The following NAALADL2 variants were observed in gnomAD, a reference collection of about 807,000 sequenced individuals.
The protein encoded by NAALADL2 is inactive N-acetylated-alpha-linked acidic dipeptidase-like protein 2.
In NAALADL2, 76 loss-of-function variants were observed where a neutral mutation model predicts 87.2. The ratio of observed to expected loss-of-function variants is 0.87; its 90% CI spans 0.72 to 1.05. NAALADL2 has a LOEUF of 1.05. NAALADL2 is among the 50% of genes least tolerant of loss of function. NAALADL2 has a pLI of 0.00. For missense variants in NAALADL2, 1,089 were observed against 945.8 expected (o/e 1.15, Z -1.99); for synonymous variants, 354 against 331.0 (o/e 1.07, Z -0.75).
chr3:174,530,072 G>A (rs776345713), intron 1 of NAALADL2, among the ~76,000 whole-genome samples: 1 of 152,108 alleles, frequency 6.6e-6, no homozygotes, highest in African/African-American at 2.4e-5. Flanking sequence ...GGCTGCAAAT[G>A]TTCCATACTT....
intron 1 of NAALADL2, among the ~76,000 whole-genome samples, chr3:175,052,053 C>T (rs1755466425): frequency 6.6e-6 from 1 of 152,150 alleles, no homozygotes; most frequent in Non-Finnish European, 1.5e-5. Flanking sequence ...TTACCTATGT[C>T]TTTATTAACA....
intron 1 of NAALADL2, among the ~76,000 whole-genome samples, chr3:174,476,897 G>A (rs1717249164): frequency 6.6e-6 from 1 of 151,950 alleles, no homozygotes; most frequent in Admixed American, 6.6e-5. Context: ...GAGGACTTAT[G>A]GAGAAAACTC....
Position 175,605,446 on chromosome 3 carries a change from A to G in NAALADL2, c.1801-21845A>G, listed in dbSNP as rs190760006. ...CTCTTATGGGGAAATAAAATTATGT[A>G]TTTATGTATAATGCAGACTGAAGAC... is the stretch of plus-strand genomic sequence containing the variant. On this transcript the variant is annotated intron_variant, in intron 10 of 13. Coordinates refer to ENST00000454872, the MANE Select transcript of NAALADL2 (RefSeq NM_207015.3). Among the ~76,000 whole-genome samples, 14 of 152,244 alleles carry G rather than the reference A, an allele frequency of 9.2e-5. No homozygotes were observed. The South Asian group carries it at 1.0e-3, about 11-fold the overall frequency.
intron 11 of NAALADL2, among the ~76,000 whole-genome samples, chr3:175,724,552 A>G (rs1742681077): frequency 6.6e-6 from 1 of 152,138 alleles, no homozygotes; most frequent in African/African-American, 2.4e-5. Context: ...ATCTGCAATA[A>G]CATGTATTGC....
intron 1 of NAALADL2, among the ~76,000 whole-genome samples, chr3:175,038,342 G>T (rs1398563309): frequency 1.3e-5 from 2 of 152,034 alleles, no homozygotes; most frequent in Admixed American, 6.6e-5. Flanking sequence ...AGAAAAAAAT[G>T]AATTTACTGA....
chr3:175,020,191 T>C (rs774548810), intron 1 of NAALADL2, among the ~76,000 whole-genome samples: 1 of 135,306 alleles, frequency 7.4e-6, no homozygotes, highest in Non-Finnish European at 1.6e-5. Context: ...GTTATGAAAA[T>C]AATACTTGAA....
At chr3:175,066,667 T>TA (rs1389831860) in intron 1 of NAALADL2, among the ~76,000 whole-genome samples, 4 of 152,096 alleles carry the variant, frequency 2.6e-5, no homozygotes, top group Middle Eastern at 3.4e-3. Flanking sequence ...AATTCTTGTT[T>TA]AAAAAAAAGT....
chr3:175,256,300 C>G, intron 3 of NAALADL2, 111 bp from the exon 4 acceptor site: 1 of 1,001,656 alleles, frequency 1.0e-6, no homozygotes, highest in Non-Finnish European at 1.4e-6. Context: ...AGAATTAATT[C>G]TATATTGAAC....
intron 1 of NAALADL2, among the ~76,000 whole-genome samples, chr3:174,992,853 T>C (rs1364458436): frequency 6.6e-6 from 1 of 152,164 alleles, no homozygotes; most frequent in Non-Finnish European, 1.5e-5. Flanking sequence ...AAATATATTT[T>C]TAAACACAGA....
At chr3:175,278,845 T>C (rs1753917464) in intron 4 of NAALADL2, among the ~76,000 whole-genome samples, 1 of 152,178 alleles carries the variant, frequency 6.6e-6, no homozygotes, top group South Asian at 2.1e-4. Flanking sequence ...ATGCTTTTTC[T>C]TATTCCAAGT....
At chr3:174,837,531 C>T (rs867649456) in intron 3 of NAALADL2, among the ~76,000 whole-genome samples, 1 of 152,162 alleles carries the variant, frequency 6.6e-6, no homozygotes, top group Non-Finnish European at 1.5e-5. Flanking sequence ...CAGTGGCTCA[C>T]GCCTGTAATC....
intron 2 of NAALADL2, among the ~76,000 whole-genome samples, chr3:174,572,486 G>A (rs751453142): frequency 2.6e-5 from 4 of 152,124 alleles, no homozygotes; most frequent in East Asian, 1.9e-4. Flanking sequence ...GAAACAAGAC[G>A]AAGATGCAGT....
At chr3:175,731,937 GA>G (rs981038251) in intron 11 of NAALADL2, among the ~76,000 whole-genome samples, 7 of 151,492 alleles carry the variant, frequency 4.6e-5, no homozygotes, top group African/African-American at 1.2e-4. Flanking sequence ...GTGCAAACTG[GA>G]AAAAAAATCA....
chr3:175,210,553 T>C (rs1180744886), intron 2 of NAALADL2, among the ~76,000 whole-genome samples: 2 of 151,770 alleles, frequency 1.3e-5, no homozygotes, highest in African/African-American at 4.8e-5. Flanking sequence ...ACTTATATTG[T>C]ATGTGAAGCT....
intron 5 of NAALADL2, among the ~76,000 whole-genome samples, chr3:175,357,685 C>T (rs1054004038): frequency 6.6e-6 from 1 of 152,124 alleles, no homozygotes; most frequent in African/African-American, 2.4e-5. Context: ...CAAGATATGT[C>T]AGAGGCAAAG....
chr3:174,720,409 A>C (rs912491446), intron 2 of NAALADL2, among the ~76,000 whole-genome samples: 3 of 152,182 alleles, frequency 2.0e-5, no homozygotes, highest in African/African-American at 4.8e-5. Context: ...TCTAGGATAA[A>C]TCAGTCATAT....
chr3:174,772,000 A>T (rs1714627623), intron 3 of NAALADL2, among the ~76,000 whole-genome samples: 1 of 108,644 alleles, frequency 9.2e-6, no homozygotes, highest in Admixed American at 8.9e-5. Flanking sequence ...GACAAATCAG[A>T]CACATTTTTT....
At chr3:175,445,751 T>C (rs1330734707) in intron 5 of NAALADL2, among the ~76,000 whole-genome samples, 2 of 152,228 alleles carry the variant, frequency 1.3e-5, no homozygotes, top group African/African-American at 4.8e-5. Flanking sequence ...TTTAAGCTAA[T>C]AATTGTCTCC....
intron 1 of NAALADL2, among the ~76,000 whole-genome samples, chr3:174,865,011 A>G (rs1726971605): frequency 1.3e-5 from 2 of 152,068 alleles, no homozygotes; most frequent in Non-Finnish European, 2.9e-5. Flanking sequence ...AGTATGTGTC[A>G]ATAGTTTTAT....
Sources: allele counts gnomAD v4.1 joint callset (sites outside exome capture counted in the v4.1 genomes callset), GRCh38; gene constraint gnomAD v4.1.1; transcripts MANE v1.5; gene names NCBI Gene and HGNC (gene_info 2026-07-23, HGNC 2026-07-21).